The following ZNF618 variants were observed in gnomAD, a reference collection of about 807,000 sequenced individuals.
ZNF618 encodes the protein zinc finger protein 618.
A neutral mutation model predicts 103.0 loss-of-function variants in ZNF618; 34 were observed. The ratio of observed to expected loss-of-function variants is 0.33; its 90% CI spans 0.25 to 0.44. The LOEUF (loss-of-function observed/expected upper bound fraction) is 0.44. ZNF618 is among the 20% of genes least tolerant of loss of function. The pLI is 1.00. For synonymous variants in ZNF618, 551 were observed against 542.2 expected, an observed-to-expected ratio of 1.02 and a Z score of -0.23; for missense variants, 1,059 against 1,295.4, an observed-to-expected ratio of 0.82 and a Z score of 2.80.
chr9:113,886,324 G>A (rs763253301), intron 1 of ZNF618, among the ~76,000 whole-genome samples: 1 of 152,138 alleles, frequency 6.6e-6, no homozygotes, highest in Non-Finnish European at 1.5e-5. Flanking sequence ...GAAAATTGGG[G>A]GACTAAGGGT....
chr9:114,022,351 A>C (rs538487088), intron 10 of ZNF618, among the ~76,000 whole-genome samples: 1 of 152,168 alleles, frequency 6.6e-6, no homozygotes, highest in African/African-American at 2.4e-5. Context: ...TATTTTATGT[A>C]AGTATTCTAT....
At chr9:113,942,186 T>C (rs11791817) in intron 1 of ZNF618, among the ~76,000 whole-genome samples, 8,484 of 152,140 alleles carry the variant, frequency 0.056, 285 homozygotes, top group African/African-American at 0.092. Flanking sequence ...AGACCTTCTC[T>C]GAGCCTCAAT....
chr9:113,984,351 C>G (rs1427701735), intron 2 of ZNF618, among the ~76,000 whole-genome samples: 2 of 152,210 alleles, frequency 1.3e-5, no homozygotes, highest in Non-Finnish European at 2.9e-5. Flanking sequence ...ATGTCATCAT[C>G]ATGGCAGCTG....
At chr9:113,976,257 C>G (rs1838457798) in intron 2 of ZNF618, among the ~76,000 whole-genome samples, 1 of 152,194 alleles carries the variant, frequency 6.6e-6, no homozygotes, top group Non-Finnish European at 1.5e-5. Context: ...TCCTCCCAAT[C>G]AGCACATGCC....
At chr9:113,939,734 TATATTA>T (rs969226201) in intron 1 of ZNF618, among the ~76,000 whole-genome samples, 1 of 152,072 alleles carries the variant, frequency 6.6e-6, no homozygotes, top group Non-Finnish European at 1.5e-5. Flanking sequence ...TAATTGAAGA[TATATTA>T]ATATAAAGTC....
At chr9:114,000,059 A>C (rs1841027910) in intron 4 of ZNF618, among the ~76,000 whole-genome samples, 1 of 152,200 alleles carries the variant, frequency 6.6e-6, no homozygotes, top group African/African-American at 2.4e-5. Flanking sequence ...TTTGTCCTCC[A>C]CGTGATTGTA....
chr9:113,954,029 A>G (rs1321129303), intron 1 of ZNF618, among the ~76,000 whole-genome samples: 1 of 152,164 alleles, frequency 6.6e-6, no homozygotes, highest in East Asian at 1.9e-4. Flanking sequence ...CTTTCTTTGC[A>G]GAATGTAGTT....
At chr9:113,882,614 C>G (rs1219722245) in intron 1 of ZNF618, among the ~76,000 whole-genome samples, 4 of 152,020 alleles carry the variant, frequency 2.6e-5, no homozygotes, top group African/African-American at 7.2e-5. Flanking sequence ...TTTAAAACAG[C>G]CTGCCATCCA....
chr9:113,968,413 T>C (rs1180200596), intron 1 of ZNF618, among the ~76,000 whole-genome samples: 1 of 152,206 alleles, frequency 6.6e-6, no homozygotes, highest in East Asian at 1.9e-4. Context: ...TATCTTCAGC[T>C]GGCGGTAGTG....
chr9:114,034,317 G>T (rs533845685), intron 12 of ZNF618, among the ~76,000 whole-genome samples: 1 of 152,144 alleles, frequency 6.6e-6, no homozygotes, highest in Non-Finnish European at 1.5e-5. Flanking sequence ...GTAGCGCCGG[G>T]CTGGAACCGA....
At chr9:113,994,503 C>G (rs1228924393) in intron 3 of ZNF618, among the ~76,000 whole-genome samples, 1 of 152,206 alleles carries the variant, frequency 6.6e-6, no homozygotes, top group African/African-American at 2.4e-5. Flanking sequence ...TTAGAAAGGG[C>G]CCTTGGGCTG....
rs1564208387 is a variant in ZNF618 at position 113,951,587 on chromosome 9, GTGTGTGTGTGTA to G, written c.34-17528_34-17517del. Among the ~76,000 whole-genome samples, 3 of 68,492 alleles carry G rather than the reference GTGTGTGTGTGTA, an allele frequency of 4.4e-5. 1 individual carries two copies. Among genetic ancestry groups the G allele is most frequent in the Admixed American group, 3.9e-4 (2 of 5,092 alleles). The allele number at this position is 68,492 out of a possible 152,430, so 44.9% of individuals were successfully genotyped here. ...TATGTGTGTGTGTATATGTGTGTGT[GTGTGTGTGTGTA>G]TATATATGTATATATATATATGTAT... On this transcript the variant is annotated intron_variant, in intron 1 of 14. Transcript: ENST00000374126.
intron 13 of ZNF618, among the ~76,000 whole-genome samples, chr9:114,036,976 G>C (rs113251492): frequency 0.015 from 2,212 of 152,280 alleles, 29 homozygotes; most frequent in Non-Finnish European, 0.025. Flanking sequence ...TGCATTTCTG[G>C]TAAGTCTTAA....
intron 1 of ZNF618, among the ~76,000 whole-genome samples, chr9:113,934,084 CAG>C (rs1833837647): frequency 6.6e-6 from 1 of 152,088 alleles, no homozygotes; most frequent in African/African-American, 2.4e-5. Flanking sequence ...ACTGATTGAT[CAG>C]AGTCAGATGA....
chr9:113,987,176 C>G (rs1839564428), intron 2 of ZNF618, among the ~76,000 whole-genome samples: 1 of 152,186 alleles, frequency 6.6e-6, no homozygotes, highest in South Asian at 2.1e-4. Context: ...TTCCCCACCT[C>G]ACAGACAACA....
At chr9:114,014,022 A>G (rs1460753141) in intron 9 of ZNF618, among the ~76,000 whole-genome samples, 1 of 152,196 alleles carries the variant, frequency 6.6e-6, no homozygotes, top group Admixed American at 6.5e-5. Flanking sequence ...TTCCCACTTG[A>G]CTATTAACAA....
intron 1 of ZNF618, among the ~76,000 whole-genome samples, chr9:113,903,993 C>G (rs1830765301): frequency 6.7e-6 from 1 of 149,332 alleles, no homozygotes; most frequent in African/African-American, 2.5e-5. Context: ...TTTCTCTTCT[C>G]CCCTTCTTCA....
At chr9:113,996,822 G>A (rs1840647075) in intron 3 of ZNF618, among the ~76,000 whole-genome samples, 1 of 152,156 alleles carries the variant, frequency 6.6e-6, no homozygotes, top group Admixed American at 6.5e-5. Flanking sequence ...TAGCATTTAA[G>A]GAAAGTGCCA....
chr9:113,922,181 C>T (rs1345150691), intron 1 of ZNF618, among the ~76,000 whole-genome samples: 3 of 152,190 alleles, frequency 2.0e-5, no homozygotes, highest in African/African-American at 4.8e-5. Flanking sequence ...AAAATAAACA[C>T]AATTTCTCCA....
Sources: allele counts gnomAD v4.1 joint callset (sites outside exome capture counted in the v4.1 genomes callset), GRCh38; gene constraint gnomAD v4.1.1; transcripts MANE v1.5; gene names NCBI Gene and HGNC (gene_info 2026-07-23, HGNC 2026-07-21).